The following CFAP299 variants were observed in gnomAD, a reference collection of about 807,000 sequenced individuals.
CFAP299 encodes cilia- and flagella-associated protein 299.
In CFAP299, 21 loss-of-function variants were observed where a neutral mutation model predicts 27.0. That is an observed-to-expected ratio of 0.78 (90% confidence interval 0.55 to 1.12). The LOEUF is 1.12. Ranked by LOEUF, CFAP299 falls within the 50% of genes most tolerant of loss-of-function variation. CFAP299 has a pLI of 0.00. For missense variants in CFAP299, 310 were observed against 276.6 expected (o/e 1.12, Z -0.86); for synonymous variants, 104 against 98.1 (o/e 1.06, Z -0.36).
intron 2 of CFAP299, among the ~76,000 whole-genome samples, chr4:80,459,915 G>A (rs1380271448): frequency 6.6e-6 from 1 of 152,070 alleles, no homozygotes; most frequent in Non-Finnish European, 1.5e-5. Context: ...GCTGACAAAA[G>A]GCAGGTTAAT....
At chr4:80,841,797 T>G in intron 3 of CFAP299, among the ~76,000 whole-genome samples, 1 of 152,098 alleles carries the variant, frequency 6.6e-6, no homozygotes, top group Non-Finnish European at 1.5e-5. Flanking sequence ...GTGTTAAATA[T>G]TGTCTTATGT....
chr4:80,715,884 G>A (rs1314394356), intron 3 of CFAP299, among the ~76,000 whole-genome samples: 4 of 151,970 alleles, frequency 2.6e-5, no homozygotes, highest in African/African-American at 4.8e-5. Flanking sequence ...CAAAAGTCAA[G>A]TCCAATATTG....
At chr4:80,955,027 AAAAAAAAC>A (rs1352909195) in intron 5 of CFAP299, among the ~76,000 whole-genome samples, 2 of 72,532 alleles carry the variant, frequency 2.8e-5, no homozygotes, top group African/African-American at 8.1e-5. Context: ...AAAAAAAAAA[AAAAAAAAC>A]GCACACATGG....
At chr4:80,473,442 T>C (rs1730110117) in intron 2 of CFAP299, among the ~76,000 whole-genome samples, 1 of 151,952 alleles carries the variant, frequency 6.6e-6, no homozygotes, top group Non-Finnish European at 1.5e-5. Flanking sequence ...AATGGTCTCC[T>C]GCTTAAAAAA....
intron 1 of CFAP299, among the ~76,000 whole-genome samples, chr4:80,337,262 T>C (rs560069640): frequency 1.2e-3 from 178 of 152,298 alleles, no homozygotes; most frequent in Non-Finnish European, 2.1e-3. Context: ...ATGTGGAAGA[T>C]TGGCAAATTT....
At chr4:80,373,634 C>T (rs1253784314) in intron 2 of CFAP299, among the ~76,000 whole-genome samples, 1 of 152,144 alleles carries the variant, frequency 6.6e-6, no homozygotes, top group Non-Finnish European at 1.5e-5. Flanking sequence ...TATAAACCAT[C>T]TTCATAACTT....
intron 2 of CFAP299, among the ~76,000 whole-genome samples, chr4:80,474,636 AAAG>A (rs1730181234): frequency 6.6e-6 from 1 of 152,254 alleles, no homozygotes; most frequent in South Asian, 2.1e-4. Flanking sequence ...TGCACTCTGC[AAAG>A]AAGAATAAAA....
intron 3 of CFAP299, among the ~76,000 whole-genome samples, chr4:80,607,903 G>C (rs997710609): frequency 2.6e-5 from 4 of 152,094 alleles, no homozygotes; most frequent in African/African-American, 9.7e-5. Flanking sequence ...TTCATAGTGG[G>C]GCCAACTTGG....
intron 3 of CFAP299, chr4:80,608,281 G>T: frequency 8.2e-7 from 1 of 1,216,574 alleles, no homozygotes; most frequent in Non-Finnish European, 1.2e-6. Flanking sequence ...TAGGAGATTT[G>T]TTAACATGTG....
intron 3 of CFAP299, among the ~76,000 whole-genome samples, chr4:80,749,519 G>A (rs1724815173): frequency 6.6e-6 from 1 of 152,198 alleles, no homozygotes; most frequent in Non-Finnish European, 1.5e-5. Flanking sequence ...GCAAGTTGAG[G>A]AGCAAGGAAG....
intron 3 of CFAP299, among the ~76,000 whole-genome samples, chr4:80,859,924 A>G (rs1054257905): frequency 3.3e-4 from 50 of 152,078 alleles, no homozygotes; most frequent in South Asian, 6.2e-4. Flanking sequence ...TCTTTGTGAC[A>G]TTCTCTTTAT....
chr4:80,862,550 G>T (rs1732448538), intron 3 of CFAP299, among the ~76,000 whole-genome samples: 1 of 152,038 alleles, frequency 6.6e-6, no homozygotes, highest in Non-Finnish European at 1.5e-5. Context: ...ACTACAGATT[G>T]CAAAGTGGCT....
chr4:80,499,304 C>G (rs983701975), intron 2 of CFAP299, among the ~76,000 whole-genome samples: 2 of 152,082 alleles, frequency 1.3e-5, no homozygotes, highest in Admixed American at 1.3e-4. Context: ...CAATCTTTTT[C>G]TCGAACATAA....
chr4:80,727,669 A>G (rs1723237485), intron 3 of CFAP299, among the ~76,000 whole-genome samples: 1 of 152,112 alleles, frequency 6.6e-6, no homozygotes, highest in Non-Finnish European at 1.5e-5. Context: ...TTTACTTGTA[A>G]GAATTAAATA....
chr4:80,684,704 A>G (rs1720075466), intron 3 of CFAP299, among the ~76,000 whole-genome samples: 1 of 152,210 alleles, frequency 6.6e-6, no homozygotes, highest in African/African-American at 2.4e-5. Context: ...TTCTTTAATG[A>G]ATGGATACAG....
chr4:80,857,454 T>G (rs1482623817), intron 3 of CFAP299, among the ~76,000 whole-genome samples: 1 of 151,874 alleles, frequency 6.6e-6, no homozygotes, highest in Non-Finnish European at 1.5e-5. Flanking sequence ...TGAATAGGAG[T>G]GGTGAGAGAG....
chr4:80,936,263 A>G (rs1736882547), intron 4 of CFAP299, among the ~76,000 whole-genome samples: 1 of 152,116 alleles, frequency 6.6e-6, no homozygotes, highest in Admixed American at 6.6e-5. Context: ...CAGAAATACC[A>G]TTTGACCCAG....
intron 2 of CFAP299, among the ~76,000 whole-genome samples, chr4:80,517,263 G>A (rs978141224): frequency 7.2e-5 from 11 of 152,286 alleles, no homozygotes; most frequent in South Asian, 2.1e-4. Flanking sequence ...ATGGACACTG[G>A]TTTGAGTAAG....
intron 3 of CFAP299, among the ~76,000 whole-genome samples, chr4:80,590,434 C>T (rs1489498854): frequency 1.3e-5 from 2 of 152,030 alleles, no homozygotes; most frequent in African/African-American, 2.4e-5. Flanking sequence ...GTCAGGAGTT[C>T]GAGACCAGCC....
Sources: gnomAD v4.1 joint callset for allele counts (sites outside exome capture counted in the v4.1 genomes callset) on GRCh38, gnomAD v4.1.1 for gene constraint, MANE v1.5 for transcripts, NCBI Gene and HGNC (gene_info 2026-07-23, HGNC 2026-07-21) for gene names.